The following MYO16 variants were observed in gnomAD, a reference collection of about 807,000 sequenced individuals.
MYO16 encodes unconventional myosin-XVI.
MYO16 carries 94 observed loss-of-function variants against 205.3 expected under a neutral mutation model. The ratio of observed to expected loss-of-function variants is 0.46; its 90% CI spans 0.39 to 0.54. MYO16 has a LOEUF of 0.54. Among genes scored for constraint, MYO16 ranks in the 20% least tolerant of loss-of-function variants. The probability of loss-of-function intolerance (pLI) is 0.00; values close to 1 mark genes in which losing one functional copy is unlikely to be tolerated. For missense variants in MYO16, 2,315 were observed against 2,387.5 expected, an observed-to-expected ratio of 0.97 and a Z score of 0.63; for synonymous variants, 988 against 954.0, an observed-to-expected ratio of 1.04 and a Z score of -0.66.
chr13:109,129,029 C>T (rs1368661341), intron 31 of MYO16, among the ~76,000 whole-genome samples: 4 of 151,280 alleles, frequency 2.6e-5, no homozygotes, highest in Admixed American at 2.0e-4. Context: ...GCCTTGGCCT[C>T]CCAAAGTGCT....
chr13:108,697,127 A>G (rs1883123486), intron 2 of MYO16, among the ~76,000 whole-genome samples: 1 of 152,146 alleles, frequency 6.6e-6, no homozygotes, highest in South Asian at 2.1e-4. Context: ...TGTATCCTAT[A>G]CTCAGTGTTG....
chr13:108,814,025 G>T (rs1887374185), intron 7 of MYO16, among the ~76,000 whole-genome samples: 1 of 152,098 alleles, frequency 6.6e-6, no homozygotes, highest in African/African-American at 2.4e-5. Context: ...ACACATGAAT[G>T]TTTATTTTTA....
chr13:109,013,461 A>C (rs534650438), intron 22 of MYO16, among the ~76,000 whole-genome samples: 2 of 152,284 alleles, frequency 1.3e-5, no homozygotes, highest in African/African-American at 4.8e-5. Flanking sequence ...CATGGTTTAT[A>C]ATCCTTTGGG....
chr13:108,724,373 C>T (rs1884267319), intron 3 of MYO16, among the ~76,000 whole-genome samples: 1 of 152,124 alleles, frequency 6.6e-6, no homozygotes, highest in Non-Finnish European at 1.5e-5. Flanking sequence ...ACATGCTTGT[C>T]ATCTTCCTGG....
Position 109,019,731 on chromosome 13 carries a change from C to T in MYO16, c.2616C>T (p.Thr872=), listed in dbSNP as rs776329697. The change falls in exon 23 of 35, where the codon ACC becomes ACT. Residue 872 remains threonine, a synonymous_variant. Coordinates refer to ENST00000457511, the MANE Select transcript of MYO16 (RefSeq NM_001198950.3). The stretch of plus-strand genomic sequence containing the variant: ...CTCAGAAGCCATCTGGATTTCTCAC[C>T]TTATTGGATGAAGAAAGTCAAATGA... ...FFFQKPSGFL[T]LLDEESQMIW... The T allele has an allele frequency of 6.2e-7, 1 of 1,614,008 alleles. No homozygotes were observed. Among genetic ancestry groups the T allele is most frequent in the African/African-American group, 1.3e-5 (1 of 75,044 alleles).
rs1555337003 is a variant in MYO16 at position 108,667,324 on chromosome 13, T to TTG, written c.292+1176_292+1177insGT. On this transcript the variant is annotated intron_variant, in intron 2 of 34. Transcript: ENST00000457511. The stretch of plus-strand genomic sequence containing the variant: ...TATTCTGAGAATTTCTGTTTTGTTT[T>TTG]TTTTTTTTTTTTGTCTTAAACTGCA... Among the ~76,000 whole-genome samples, 1,445 of 150,276 alleles carry TTG rather than the reference T, an allele frequency of 9.6e-3. 23 individuals are homozygous for TTG. Among genetic ancestry groups the TTG allele is most frequent in the African/African-American group, 0.034 (1,372 of 40,934 alleles).
intron 2 of MYO16, among the ~76,000 whole-genome samples, chr13:108,667,210 C>A (rs1489010917): frequency 6.6e-6 from 1 of 151,606 alleles, no homozygotes; most frequent in Non-Finnish European, 1.5e-5. Context: ...ACCTATAGCA[C>A]ATTATATACA....
At chr13:108,728,794 C>A (rs1884426032) in intron 4 of MYO16, among the ~76,000 whole-genome samples, 1 of 152,222 alleles carries the variant, frequency 6.6e-6, no homozygotes, top group African/African-American at 2.4e-5. Flanking sequence ...CGCATCTACA[C>A]TACTAGGGAG....
intron 27 of MYO16, among the ~76,000 whole-genome samples, chr13:109,090,495 G>A (rs555868130): frequency 5.9e-5 from 9 of 152,316 alleles, no homozygotes; most frequent in Middle Eastern, 3.4e-3. Context: ...GGGAGGTGAC[G>A]TGACTGGTCC....
intron 4 of MYO16, among the ~76,000 whole-genome samples, chr13:108,763,026 A>T (rs1566592751): frequency 1.3e-5 from 2 of 152,204 alleles, no homozygotes; most frequent in Non-Finnish European, 2.9e-5. Context: ...TTTCTCTCAA[A>T]TTCAGGACAA....
chr13:109,169,804 C>T (rs1462692921), intron 33 of MYO16, among the ~76,000 whole-genome samples: 3 of 152,102 alleles, frequency 2.0e-5, no homozygotes, highest in Non-Finnish European at 4.4e-5. Context: ...TCCAATGTCA[C>T]GTACACGCTT....
At chr13:108,543,429 G>A in the MYO16 span, among the ~76,000 whole-genome samples, 2 of 152,002 alleles carry the variant, frequency 1.3e-5, no homozygotes, top group African/African-American at 4.8e-5. Context: ...TGGATCACGA[G>A]GTTGGGAGAT....
At chr13:108,714,300 C>A (rs971111975) in intron 3 of MYO16, among the ~76,000 whole-genome samples, 6 of 152,166 alleles carry the variant, frequency 3.9e-5, no homozygotes, top group Admixed American at 2.0e-4. Context: ...CGTGATCCAC[C>A]CGCCTTGGCC....
chr13:108,559,470 C>CTTTTTTTTTTTT, the MYO16 span, among the ~76,000 whole-genome samples: 107 of 87,400 alleles, frequency 1.2e-3, 1 homozygote, highest in African/African-American at 1.4e-3. Flanking sequence ...TTTTTCTTTT[C>CTTTTTTTTTTTT]TTTTTTTTTT....
chr13:109,028,722 G>A (rs936002419), intron 23 of MYO16, among the ~76,000 whole-genome samples: 1 of 150,600 alleles, frequency 6.6e-6, no homozygotes, highest in Non-Finnish European at 1.5e-5. Flanking sequence ...GGATTCCTTC[G>A]TTGTAGCTCT....
intron 16 of MYO16, among the ~76,000 whole-genome samples, chr13:108,936,723 A>G (rs1240723002): frequency 6.6e-6 from 1 of 152,096 alleles, no homozygotes; most frequent in African/African-American, 2.4e-5. Context: ...AGCTGTTGTT[A>G]CATGTGAGGT....
intron 6 of MYO16, 34 bp from the exon 7 acceptor site, chr13:108,806,645 A>C: frequency 1.2e-6 from 2 of 1,603,026 alleles, no homozygotes; most frequent in Non-Finnish European, 1.7e-6. Context: ...CACTACTTTA[A>C]AAAAATGAAT....
chr13:109,179,687 C>T, intron 34 of MYO16, 54 bp downstream of exon 34: 3 of 1,406,040 alleles, frequency 2.1e-6, no homozygotes, highest in South Asian at 2.3e-5. Flanking sequence ...TAAGTTATGA[C>T]AAGGCATTCA....
At chr13:109,008,862 T>G (rs1885496679) in intron 21 of MYO16, 35 bp from the exon 22 acceptor site, 1 of 1,597,760 alleles carries the variant, frequency 6.3e-7, no homozygotes, top group Non-Finnish European at 8.6e-7. Flanking sequence ...TACTGTACTA[T>G]CTGGTGAAAT....
Sources: gnomAD v4.1 joint callset for allele counts (sites outside exome capture counted in the v4.1 genomes callset) on GRCh38, gnomAD v4.1.1 for gene constraint, MANE v1.5 for transcripts, NCBI Gene and HGNC (gene_info 2026-07-23, HGNC 2026-07-21) for gene names.